LARP1B: variants seen among roughly 807,000 people sequenced by gnomAD.
LARP1B encodes la-related protein 1B.
A neutral mutation model predicts 114.2 loss-of-function variants in LARP1B; 76 were observed. That is an observed-to-expected ratio of 0.67 (90% CI 0.55 to 0.81). LARP1B has a LOEUF of 0.81. Among genes scored for constraint, LARP1B ranks in the 30% least tolerant of loss-of-function variants. LARP1B has a pLI of 0.00. For missense variants in LARP1B, 1,014 were observed against 1,075.8 expected (o/e 0.94, Z 0.80); for synonymous variants, 345 against 348.0 (o/e 0.99, Z 0.10).
intron 15 of LARP1B, among the ~76,000 whole-genome samples, chr4:128,196,726 C>T (rs1246975841): frequency 1.3e-5 from 2 of 151,884 alleles, no homozygotes; most frequent in African/African-American, 4.8e-5. Context: ...ATTGAAAACA[C>T]ATATTGTATG....
chr4:128,077,295 C>A (rs942931185), intron 3 of LARP1B, among the ~76,000 whole-genome samples: 4 of 151,284 alleles, frequency 2.6e-5, no homozygotes, highest in Non-Finnish European at 1.5e-5. Context: ...GTTAGGAGTT[C>A]GAGACCAGCC....
chr4:128,178,561 T>C lies in LARP1B; in HGVS notation c.1815T>C (p.Pro605=), dbSNP rs760132212. The change falls in exon 14 of 20, where the codon CCT becomes CCC. Residue 605 remains proline, a synonymous_variant. Coordinates refer to ENST00000326639, the MANE Select transcript of LARP1B (RefSeq NM_018078.4). ...RIHPTRTPKT[P]RTPRLQDPNK... ...ATCCTACAAGAACACCCAAAACACC[T>C]CGAACACCTAGGTTACAAGATCCTA... 5.9e-5 allele frequency: 96 copies of C among 1,614,032 alleles called. No individual in the cohort carries two copies. The Middle Eastern group carries it at 2.1e-3, about 36-fold the overall frequency.
At chr4:128,082,430 A>G in intron 5 of LARP1B, 125 bp downstream of exon 5, 1 of 739,572 alleles carries the variant, frequency 1.4e-6, no homozygotes, top group Non-Finnish European at 2.3e-6. Context: ...TTTAACCCCA[A>G]ATACCTTCAG....
In LARP1B at chr4:128,206,526, A is replaced by T. The variant is rs754245693; in HGVS notation, c.2408A>T (p.Asp803Val). ...GATTTCCAAGAAGAAACCAAAAAAG[A>T]CTACGAATCTGGTAACAATAACATC... ...FQDFQEETKK[D>V]YESGQLYGLE... The change falls in exon 18 of 20, where the codon GAC becomes GTC. Residue 803 changes from aspartate (D) to valine (V), a missense_variant. Transcript: ENST00000326639. The T allele has an allele frequency of 1.2e-6, 2 of 1,608,578 alleles. No individual in the cohort carries two copies. Among genetic ancestry groups the T allele is most frequent in the Non-Finnish European group, 1.7e-6 (2 of 1,178,268 alleles).
At chr4:128,116,106 C>CATA (rs1785724255) in intron 10 of LARP1B, among the ~76,000 whole-genome samples, 1 of 152,078 alleles carries the variant, frequency 6.6e-6, no homozygotes, top group South Asian at 2.1e-4. Flanking sequence ...GTGGAGGGTA[C>CATA]ATAAGAGAGT....
chr4:128,064,012 C>G (rs1438452850), intron 1 of LARP1B, among the ~76,000 whole-genome samples: 1 of 151,986 alleles, frequency 6.6e-6, no homozygotes, highest in Non-Finnish European at 1.5e-5. Flanking sequence ...TGGCACACGC[C>G]TGTAATCCCA....
At chr4:128,090,313 TC>T (rs1286250154) in intron 5 of LARP1B, among the ~76,000 whole-genome samples, 6 of 152,206 alleles carry the variant, frequency 3.9e-5, no homozygotes, top group Admixed American at 3.3e-4. Context: ...CCTCAGTTGA[TC>T]CGCCCCCCTT....
intron 7 of LARP1B, among the ~76,000 whole-genome samples, chr4:128,220,739 A>T (rs972703646): frequency 2.6e-5 from 4 of 152,200 alleles, no homozygotes; most frequent in Admixed American, 2.6e-4. Flanking sequence ...TTGAGATGTG[A>T]ACAAAGCAAG....
intron 11 of LARP1B, among the ~76,000 whole-genome samples, chr4:128,135,044 G>A (rs1264221924): frequency 6.6e-6 from 1 of 151,978 alleles, no homozygotes; most frequent in Non-Finnish European, 1.5e-5. Flanking sequence ...GGGGGTTGTG[G>A]TGAGCTGAGA....
chr4:128,159,330 C>T (rs970756767), intron 11 of LARP1B, among the ~76,000 whole-genome samples: 1 of 152,018 alleles, frequency 6.6e-6, no homozygotes, highest in African/African-American at 2.4e-5. Context: ...GTATTATTAC[C>T]ACAAAGTTCT....
intron 15 of LARP1B, among the ~76,000 whole-genome samples, chr4:128,191,939 A>G (rs932203821): frequency 5.9e-5 from 9 of 152,118 alleles, no homozygotes; most frequent in African/African-American, 2.2e-4. Flanking sequence ...CAGAAAAGGC[A>G]TCATGCAAAG....
chr4:128,112,069 A>T (rs1784307499), intron 9 of LARP1B, among the ~76,000 whole-genome samples: 1 of 152,052 alleles, frequency 6.6e-6, no homozygotes, highest in Admixed American at 6.6e-5. Flanking sequence ...TATTTTTCCC[A>T]TTCCTATAAC....
chr4:128,207,879 C>T (rs776984113), intron 19 of LARP1B, among the ~76,000 whole-genome samples: 8 of 152,158 alleles, frequency 5.3e-5, no homozygotes, highest in Non-Finnish European at 8.8e-5. Context: ...CATCTTACAA[C>T]GATGTCCACT....
chr4:128,116,064 A>T (rs1431931460), intron 10 of LARP1B, among the ~76,000 whole-genome samples: 2 of 152,234 alleles, frequency 1.3e-5, no homozygotes, highest in African/African-American at 4.8e-5. Context: ...TGGTGATTTA[A>T]TGTGCAAAAG....
intron 4 of LARP1B, among the ~76,000 whole-genome samples, chr4:128,079,553 T>A (rs1225323653): frequency 6.6e-6 from 1 of 151,916 alleles, no homozygotes. Context: ...TTTTTTAATT[T>A]TTAAATTTAA....
chr4:128,067,843 A>G (rs1763609031), intron 1 of LARP1B, among the ~76,000 whole-genome samples: 1 of 150,728 alleles, frequency 6.6e-6, no homozygotes, highest in African/African-American at 2.4e-5. Flanking sequence ...CCGAGTAGCT[A>G]GGATTACAGG....
At chr4:128,178,171 G>T (rs904611101) in intron 13 of LARP1B, among the ~76,000 whole-genome samples, 1 of 151,148 alleles carries the variant, frequency 6.6e-6, no homozygotes, top group African/African-American at 2.4e-5. Context: ...AAGCAGGAGG[G>T]AAATGGGATT....
At chr4:128,133,992 C>T (rs2150132207) in intron 11 of LARP1B, among the ~76,000 whole-genome samples, 1 of 143,352 alleles carries the variant, frequency 7.0e-6, no homozygotes, top group South Asian at 2.3e-4. Flanking sequence ...CCACTGTGCC[C>T]AGCCCAATTT....
intron 13 of LARP1B, among the ~76,000 whole-genome samples, chr4:128,178,106 A>G (rs578151617): frequency 3.3e-5 from 5 of 150,356 alleles, no homozygotes; most frequent in Admixed American, 2.0e-4. Context: ...TATTACATAT[A>G]TGTAATAAAA....
Sources: allele counts gnomAD v4.1 joint callset (sites outside exome capture counted in the v4.1 genomes callset), GRCh38; gene constraint gnomAD v4.1.1; transcripts MANE v1.5; gene names NCBI Gene and HGNC (gene_info 2026-07-23, HGNC 2026-07-21).